The following ANKRD30A variants were observed in gnomAD, a reference collection of about 807,000 sequenced individuals.
The protein encoded by ANKRD30A is ankyrin repeat domain 30A, also known as ankyrin repeat domain-containing protein 30A.
Under a neutral mutation model 166.3 loss-of-function variants are expected in ANKRD30A, and 170 were observed. The ratio of observed to expected loss-of-function variants is 1.02; its 90% CI spans 0.90 to 1.16. The LOEUF (loss-of-function observed/expected upper bound fraction) is 1.16. ANKRD30A is among the 50% of genes most tolerant of loss of function. The pLI, the probability that ANKRD30A is intolerant of heterozygous loss-of-function variation, is 0.00. For synonymous variants in ANKRD30A, 564 were observed against 508.9 expected (o/e 1.11, Z -1.46); for missense variants, 1,630 against 1,518.0 (o/e 1.07, Z -1.23).
At chr10:37,240,026 G>C in the ANKRD30A span, among the ~76,000 whole-genome samples, 1 of 151,996 alleles carries the variant, frequency 6.6e-6, no homozygotes, top group African/African-American at 2.4e-5. Flanking sequence ...TTATTAATTG[G>C]TTTCTAAAAT....
rs1178379624 is a variant in ANKRD30A, at chr10:37,166,698, A to T, written c.2155+3A>T. On this transcript the variant is annotated splice_donor_region_variant and intron_variant, in intron 19 of 35. Coordinates refer to ENST00000361713, the MANE Select transcript of ANKRD30A (RefSeq NM_052997.3). ...TAAAATAAATGGAAAATTAGAAGGT[A>T]AGAACCGTTTTTTATTTAAAAATCA... The T allele has an allele frequency of 6.2e-7, 1 of 1,604,640 alleles. No homozygotes were observed. Among genetic ancestry groups the T allele is most frequent in the African/African-American group, 1.3e-5 (1 of 74,306 alleles).
intron 31 of ANKRD30A, among the ~76,000 whole-genome samples, chr10:37,210,264 C>T (rs1842219074): frequency 6.6e-6 from 1 of 152,142 alleles, no homozygotes; most frequent in Admixed American, 6.6e-5. Context: ...TTTCCAGCTT[C>T]ATCCATGTCC....
rs1256727597 is a variant in ANKRD30A at position 37,125,796 on chromosome 10, G to A, written c.9G>A (p.Glu3=). ...AGCAGGTGGCCGCAGCCATGGAGGA[G>A]ATCTCTGCCGCCGCTGTCAAGGTCG... is the stretch of plus-strand genomic sequence containing the variant. ME[E]ISAAAVKVVP... The change falls in exon 1 of 36, where the codon GAG becomes GAA. Residue 3 remains glutamate, a synonymous_variant. Coordinates refer to ENST00000361713, the MANE Select transcript of ANKRD30A (RefSeq NM_052997.3). 1 of 696,012 alleles carries A rather than the reference G, an allele frequency of 1.4e-6. No homozygotes were observed. Among genetic ancestry groups the A allele is most frequent in the Non-Finnish European group, 2.5e-6 (1 of 404,974 alleles). The allele number at this position is 696,012 out of a possible 1,614,324, so 43.1% of individuals were successfully genotyped here. A position where few individuals can be genotyped will look rare whatever the true frequency, so the allele number is the denominator to read the frequency against.
intron 5 of ANKRD30A, among the ~76,000 whole-genome samples, chr10:37,134,715 C>G (rs1564467933): frequency 6.6e-6 from 1 of 152,216 alleles, no homozygotes; most frequent in Non-Finnish European, 1.5e-5. Flanking sequence ...GACCCTGCTC[C>G]TCCACTCAAA....
rs1289903950 is a variant in ANKRD30A at position 37,166,682 on chromosome 10, T to C, written c.2142T>C (p.Asn714=). The change falls in exon 19 of 36, where the codon AAT becomes AAC. Residue 714 remains asparagine (N), a synonymous_variant. Coordinates refer to ENST00000361713, the MANE Select transcript of ANKRD30A (RefSeq NM_052997.3). ...ATCAAAAAGAAATAGATAAAATAAATGGAAAATTAGAAGGTAAGAACCGTT... is the reference window on the plus strand; with the variant it reads ...ATCAAAAAGAAATAGATAAAATAAACGGAAAATTAGAAGGTAAGAACCGTT... ...AAHQKEIDKI[N]GKLEGSPVKD... 1 of 1,590,450 alleles carries C rather than the reference T, an allele frequency of 6.3e-7. No individual in the cohort carries two copies.
chr10:37,211,748 C>G (rs368767042), intron 31 of ANKRD30A, among the ~76,000 whole-genome samples: 50 of 152,226 alleles, frequency 3.3e-4, no homozygotes, highest in African/African-American at 1.1e-3. Flanking sequence ...ACAGTCCCAC[C>G]AACAGTGTAA....
chr10:37,130,454 A>G lies in ANKRD30A; in HGVS notation c.510+76A>G. On this transcript the variant is annotated intron_variant, in intron 3 of 35. Transcript: ENST00000361713. ...AACATTAACATATGTAAGGTTTTTT[A>G]TATTTGGAAGCTCAAACATTCCTTG... The G allele has an allele frequency of 5.9e-6, 7 of 1,186,832 alleles. No individual in the cohort carries two copies. The South Asian group carries it at 8.1e-5, about 14-fold the overall frequency. The allele number at this position is 1,186,832 out of a possible 1,614,324, so 73.5% of individuals were successfully genotyped here.
chr10:37,166,413 C>T (rs1290414931), intron 18 of ANKRD30A, among the ~76,000 whole-genome samples, 192 bp from the exon 19 acceptor site: 2 of 151,940 alleles, frequency 1.3e-5, no homozygotes, highest in Non-Finnish European at 2.9e-5. Context: ...TAAAGATGAG[C>T]TTGATGTAGA....
intron 12 of ANKRD30A, 83 bp from the exon 13 acceptor site, chr10:37,153,489 A>G: frequency 1.8e-5 from 28 of 1,574,608 alleles, no homozygotes; most frequent in Non-Finnish European, 2.3e-5. Flanking sequence ...TGTTTTTAAA[A>G]AAGAATTTAA....
At chr10:37,149,152 CAATG>C (rs1837723310) in intron 9 of ANKRD30A, among the ~76,000 whole-genome samples, 1 of 151,826 alleles carries the variant, frequency 6.6e-6, no homozygotes, top group Non-Finnish European at 1.5e-5. Flanking sequence ...TTATGGAAAA[CAATG>C]AATATTTATA....
intron 18 of ANKRD30A, among the ~76,000 whole-genome samples, chr10:37,165,671 T>G (rs1166312422): frequency 6.6e-6 from 1 of 152,102 alleles, no homozygotes; most frequent in Non-Finnish European, 1.5e-5. Context: ...GCATGAGGAA[T>G]AGGAAACCTT....
rs1837585099 is a variant in ANKRD30A, at chr10:37,147,399, A to C, written c.1485A>C (p.Gln495His). Residue 495 changes from glutamine to histidine, a missense_variant, in exon 9 of 36, where the codon CAA becomes CAC. By Grantham distance (24) the Gln-to-His change is conservative. Around this residue, in one of 4 missense-constraint regions of ANKRD30A, gnomAD observed 904 missense variants for 818.5 expected, o/e 1.10. Coordinates refer to ENST00000361713, the MANE Select transcript of ANKRD30A (RefSeq NM_052997.3). ...TCTTTGAGAGTTCTGCAAAGATTCA[A>C]GTGTGTATACCTGAGTCTATATATC... ...RSLFESSAKI[Q>H]VCIPESIYQK... 1 of 1,598,926 alleles carries C rather than the reference A, an allele frequency of 6.3e-7. No homozygotes were observed. Among genetic ancestry groups the C allele is most frequent in the African/African-American group, 1.3e-5 (1 of 74,174 alleles).
In ANKRD30A at chr10:37,158,548, A is replaced by T; in HGVS notation, c.1862A>T (p.Lys621Ile). The change falls in exon 15 of 36, where the codon AAA becomes ATA. Residue 621 changes from lysine (K) to isoleucine (I), a missense_variant. Lys to Ile is a moderately radical substitution (Grantham distance 102). Transcript: ENST00000361713. ...TCGMKVSIPT[K>I]ALELKDMQTF... is the part of the protein sequence containing the mutation. ...GGAATGAAAGTTTCTATTCCAACTA[A>T]AGCCTTAGAATTGAAGGACATGCAA... The T allele has an allele frequency of 1.9e-6, 3 of 1,613,536 alleles. No homozygotes were observed. The highest frequency in any genetic ancestry group is 2.5e-6 in the Non-Finnish European group (3 of 1,179,716).
At chr10:37,128,495 A>G (rs1222721147) in intron 1 of ANKRD30A, among the ~76,000 whole-genome samples, 1 of 151,970 alleles carries the variant, frequency 6.6e-6, no homozygotes, top group Non-Finnish European at 1.5e-5. Context: ...TATTATATAT[A>G]GATTTATTAC....
intron 34 of ANKRD30A, 64 bp from the exon 35 acceptor site, chr10:37,231,397 G>A: frequency 7.2e-7 from 1 of 1,381,974 alleles, no homozygotes; most frequent in East Asian, 2.4e-5. Flanking sequence ...TTAAATACAA[G>A]TCCTTTTCTA....
intron 27 of ANKRD30A, among the ~76,000 whole-genome samples, chr10:37,195,237 G>T (rs1482477139): frequency 6.6e-6 from 1 of 152,140 alleles, no homozygotes; most frequent in Non-Finnish European, 1.5e-5. Context: ...GCACGTCTGA[G>T]TCTTTTTTCT....
At position 37,183,876 on chromosome 10, in the gene ANKRD30A, C is replaced by T. The variant is rs1280854921; in HGVS notation, c.2422-5591C>T. On this transcript the variant is annotated intron_variant, in intron 24 of 35. Coordinates refer to ENST00000361713, the MANE Select transcript of ANKRD30A (RefSeq NM_052997.3). Reference sequence around the variant, plus strand: ...TTATTTAAAAAATGGTGACCGGGTGCGGTGGCTCACGTCTGTAACGCCAGC... The same window carrying T: ...TTATTTAAAAAATGGTGACCGGGTGTGGTGGCTCACGTCTGTAACGCCAGC... Among the ~76,000 whole-genome samples, 9 of 148,698 alleles carry T rather than the reference C, an allele frequency of 6.1e-5. No individual in the cohort carries two copies. The South Asian group carries it at 6.5e-4, about 11-fold the overall frequency.
At chr10:37,152,203 C>G in intron 12 of ANKRD30A, 82 bp downstream of exon 12, 1 of 1,188,488 alleles carries the variant, frequency 8.4e-7, no homozygotes, top group Non-Finnish European at 1.2e-6. Flanking sequence ...GCTTTATTTT[C>G]TCGCCTCTTC....
At chr10:37,153,765 A>G (rs1399877458) in intron 13 of ANKRD30A, 103 bp downstream of exon 13, 2 of 1,483,126 alleles carry the variant, frequency 1.3e-6, no homozygotes, top group African/African-American at 2.8e-5. Context: ...TCCTAAATGC[A>G]AACCATGGAA....
Sources: gnomAD v4.1 joint callset for allele counts (sites outside exome capture counted in the v4.1 genomes callset) on GRCh38, gnomAD v4.1.1 for gene constraint, gnomAD v4.1.1 regional missense constraint, MANE v1.5 for transcripts, NCBI Gene and HGNC (gene_info 2026-07-23, HGNC 2026-07-21) for gene names.